The following SNX9 variants were observed in gnomAD, a reference collection of about 807,000 sequenced individuals.
SNX9 encodes the protein sorting nexin-9.
Under a neutral mutation model 89.4 loss-of-function variants are expected in SNX9, and 44 were observed. The observed-to-expected ratio is 0.49, with a 90% CI of 0.39 to 0.63. The LOEUF (loss-of-function observed/expected upper bound fraction) is 0.63, where lower values mean the gene tolerates loss of function less well. Among genes scored for constraint, SNX9 ranks in the 30% least tolerant of loss-of-function variants. The probability of loss-of-function intolerance (pLI) is 0.00; values close to 1 mark genes in which losing one functional copy is unlikely to be tolerated. For synonymous variants in SNX9, 236 were observed against 247.8 expected (o/e 0.95, Z 0.45); for missense variants, 578 against 736.1 (o/e 0.79, Z 2.49).
At chr6:157,847,960 C>T (rs1781835607) in intron 1 of SNX9, among the ~76,000 whole-genome samples, 1 of 152,264 alleles carries the variant, frequency 6.6e-6, no homozygotes, top group East Asian at 1.9e-4. Context: ...CCTCCTGCCA[C>T]CTCCCCACCC....
intron 4 of SNX9, 93 bp downstream of exon 4, chr6:157,875,269 T>G: frequency 6.9e-7 from 1 of 1,442,420 alleles, no homozygotes; most frequent in East Asian, 2.5e-5. Flanking sequence ...CTATTGCCAT[T>G]CCCCAAAAGC....
Position 157,823,470 on chromosome 6 carries a change from G to A in SNX9, c.12+24G>A. Reference sequence around the variant, plus strand: ...AGGTGAGGGGCGCGCGGCGCAGGCCGGGCCGGTCGCTCAGGCCCGGGGCGG... The same window carrying A: ...AGGTGAGGGGCGCGCGGCGCAGGCCAGGCCGGTCGCTCAGGCCCGGGGCGG... On this transcript the variant is annotated intron_variant, in intron 1 of 17. Coordinates refer to ENST00000392185, the MANE Select transcript of SNX9 (RefSeq NM_016224.5). The surrounding 1 kb of genome is among the most constrained non-coding windows in gnomAD (Gnocchi z 4.6). 4 of 1,193,982 alleles carry A rather than the reference G, an allele frequency of 3.4e-6. No individual in the cohort carries two copies. In the South Asian group the frequency reaches 1.1e-4, roughly 33 times the overall value. The allele number at this position is 1,193,982 out of a possible 1,614,324, so 74.0% of individuals were successfully genotyped here.
intron 12 of SNX9, among the ~76,000 whole-genome samples, chr6:157,930,607 A>G (rs1225507128): frequency 6.6e-6 from 1 of 152,150 alleles, no homozygotes; most frequent in Non-Finnish European, 1.5e-5. Flanking sequence ...TTAGATTCTC[A>G]TAGAAATTTG....
intron 12 of SNX9, among the ~76,000 whole-genome samples, chr6:157,929,509 G>A (rs1583243857): frequency 6.6e-6 from 1 of 152,170 alleles, no homozygotes; most frequent in Admixed American, 6.5e-5. Flanking sequence ...CCTTATTGCT[G>A]TGTCTTAACC....
chr6:157,902,659 A>G lies in SNX9; in HGVS notation c.620+614A>G, dbSNP rs543831535. On this transcript the variant is annotated intron_variant, in intron 6 of 17. Coordinates refer to ENST00000392185, the MANE Select transcript of SNX9 (RefSeq NM_016224.5). ...CTCTTAGATTTAAAACAAAAAAAAA[A>G]GTGTTGTGTTTTATTTTTTTGTTTT... Among the ~76,000 whole-genome samples the G allele has an allele frequency of 3.9e-5, 6 of 152,042 alleles. No individual in the cohort carries two copies. In the South Asian group the frequency reaches 1.2e-3, roughly 32 times the overall value.
At chr6:157,869,611 C>A (rs1782347431) in intron 2 of SNX9, among the ~76,000 whole-genome samples, 1 of 152,192 alleles carries the variant, frequency 6.6e-6, no homozygotes. Flanking sequence ...AAGCTCTCAT[C>A]CTCTTGCCTG....
intron 4 of SNX9, among the ~76,000 whole-genome samples, chr6:157,876,596 A>G (rs1782526479): frequency 6.6e-6 from 1 of 152,232 alleles, no homozygotes; most frequent in African/African-American, 2.4e-5. Flanking sequence ...TTTGCAGGCA[A>G]GGTGATTGAT....
intron 1 of SNX9, among the ~76,000 whole-genome samples, chr6:157,862,515 T>C (rs999443193): frequency 2.0e-5 from 3 of 152,218 alleles, no homozygotes; most frequent in African/African-American, 7.2e-5. Flanking sequence ...TTTTTAATTG[T>C]ACTTTTCTGT....
At chr6:157,859,208 C>T (rs1380760254) in intron 1 of SNX9, among the ~76,000 whole-genome samples, 1 of 152,206 alleles carries the variant, frequency 6.6e-6, no homozygotes, top group African/African-American at 2.4e-5. Flanking sequence ...TGAGAAACGT[C>T]ACTTCCACTT....
intron 4 of SNX9, chr6:157,892,915 G>A (rs561590326): frequency 6.6e-6 from 1 of 152,314 alleles, no homozygotes; most frequent in African/African-American, 2.4e-5. Flanking sequence ...AGGTAGAGCT[G>A]TTAACGGAAT....
chr6:157,829,636 A>G (rs947232426), intron 1 of SNX9, among the ~76,000 whole-genome samples: 1 of 152,120 alleles, frequency 6.6e-6, no homozygotes, highest in African/African-American at 2.4e-5. Context: ...TTTTCTCTAC[A>G]TTTACAATTA....
chr6:157,875,429 A>T (rs552910083), intron 4 of SNX9, among the ~76,000 whole-genome samples: 1 of 152,224 alleles, frequency 6.6e-6, no homozygotes, highest in Non-Finnish European at 1.5e-5. Flanking sequence ...GTCTGTCATG[A>T]TATGAACACA....
intron 9 of SNX9, among the ~76,000 whole-genome samples, chr6:157,919,952 G>A (rs925109905): frequency 8.7e-5 from 13 of 148,578 alleles, no homozygotes; most frequent in East Asian, 2.0e-4. Context: ...TTCAGTTATT[G>A]CTGTTTGTTT....
rs539800895 is a variant in SNX9 at position 157,826,647 on chromosome 6, A to G, written c.12+3201A>G. Among the ~76,000 whole-genome samples the G allele has an allele frequency of 5.6e-4, 74 of 132,204 alleles. 11 individuals are homozygous for G. Among genetic ancestry groups the G allele is most frequent in the African/African-American group, 3.1e-3 (74 of 24,242 alleles). 86.7% of individuals were successfully genotyped at this position (132,204 alleles called of 152,430 possible). On this transcript the variant is annotated intron_variant, in intron 1 of 17. Coordinates refer to ENST00000392185, the MANE Select transcript of SNX9 (RefSeq NM_016224.5). ...TCAGTGCAATCAAGTCTTGTTTTACAAATATTAATACAAAAGCTGCAGAGC... is the reference window on the plus strand; with the variant it reads ...TCAGTGCAATCAAGTCTTGTTTTACGAATATTAATACAAAAGCTGCAGAGC...
chr6:157,921,472 TG>T, intron 9 of SNX9, 58 bp from the exon 10 acceptor site: 1 of 1,570,354 alleles, frequency 6.4e-7, no homozygotes, highest in Non-Finnish European at 8.7e-7. Flanking sequence ...AGTTACAGTA[TG>T]GTAACAGTCA....
intron 16 of SNX9, among the ~76,000 whole-genome samples, chr6:157,940,319 AT>A (rs1784011929): frequency 6.6e-6 from 1 of 152,256 alleles, no homozygotes; most frequent in Non-Finnish European, 1.5e-5. Context: ...AATAGGCTGC[AT>A]TTGGGTGATT....
intron 3 of SNX9, 153 bp from the exon 4 acceptor site, chr6:157,874,898 T>C: frequency 5.7e-6 from 4 of 701,628 alleles, no homozygotes; most frequent in Non-Finnish European, 8.7e-6. Context: ...ATACAACCCA[T>C]TAAAATATGA....
chr6:157,837,513 A>T lies in SNX9; in HGVS notation c.12+14067A>T, dbSNP rs527345676. ...TTGTGTAAATCCAGTTTTTAATGTT[A>T]TTTGTGTGGTAAGTACCCATACCTA... On this transcript the variant is annotated intron_variant, in intron 1 of 17. Coordinates refer to ENST00000392185, the MANE Select transcript of SNX9 (RefSeq NM_016224.5). Among the ~76,000 whole-genome samples the T allele has an allele frequency of 3.9e-5, 6 of 152,282 alleles. No individual in the cohort carries two copies. In the East Asian group the frequency reaches 9.6e-4, roughly 24 times the overall value.
intron 9 of SNX9, among the ~76,000 whole-genome samples, chr6:157,916,358 A>G (rs947256925): frequency 6.6e-6 from 1 of 152,078 alleles, no homozygotes; most frequent in Non-Finnish European, 1.5e-5. Flanking sequence ...AATGTAGACA[A>G]TCATGTCAGC....
Sources: allele counts gnomAD v4.1 joint callset (sites outside exome capture counted in the v4.1 genomes callset), GRCh38; gene constraint gnomAD v4.1.1; non-coding constraint Gnocchi (gnomAD v3.1); transcripts MANE v1.5; gene names NCBI Gene and HGNC (gene_info 2026-07-23, HGNC 2026-07-21).